SGCZ: variants seen among roughly 807,000 people sequenced by gnomAD.
The protein encoded by SGCZ is sarcoglycan zeta.
Under a neutral mutation model 41.3 loss-of-function variants are expected in SGCZ, and 40 were observed. The ratio of observed to expected loss-of-function variants is 0.97; its 90% CI spans 0.75 to 1.26. The LOEUF is 1.26. Ranked by LOEUF, SGCZ falls within the 50% of genes most tolerant of loss-of-function variation. The pLI is 0.00. For synonymous variants in SGCZ, 206 were observed against 137.5 expected (o/e 1.50, Z -3.49); for missense variants, 552 against 369.8 (o/e 1.49, Z -4.04).
At chr8:14,939,149 G>C (rs1800182090) in intron 1 of SGCZ, among the ~76,000 whole-genome samples, 1 of 152,164 alleles carries the variant, frequency 6.6e-6, no homozygotes, top group East Asian at 1.9e-4. Flanking sequence ...TTTCAATCTT[G>C]GATGTGCTTA....
At chr8:14,872,923 C>T (rs574515158) in intron 1 of SGCZ, among the ~76,000 whole-genome samples, 54 of 152,200 alleles carry the variant, frequency 3.5e-4, no homozygotes, top group Admixed American at 3.0e-3. Flanking sequence ...GGACAAGTTT[C>T]ACTGACTTGA....
At chr8:14,998,578 C>T (rs1802301569) in intron 1 of SGCZ, among the ~76,000 whole-genome samples, 1 of 152,192 alleles carries the variant, frequency 6.6e-6, no homozygotes, top group African/African-American at 2.4e-5. Flanking sequence ...CTCATCTTGA[C>T]TTCTGCCATA....
chr8:14,106,494 G>T (rs1019728788), intron 6 of SGCZ, among the ~76,000 whole-genome samples: 1 of 152,124 alleles, frequency 6.6e-6, no homozygotes, highest in Non-Finnish European at 1.5e-5. Context: ...TAGCTTGTTT[G>T]AATCTGTGTT....
At chr8:14,311,111 T>C (rs535419843) in intron 3 of SGCZ, among the ~76,000 whole-genome samples, 11 of 152,140 alleles carry the variant, frequency 7.2e-5, no homozygotes, top group Non-Finnish European at 1.3e-4. Flanking sequence ...TGATTTTGAA[T>C]TCCAATCCAA....
At chr8:15,164,467 TGC>T (rs1799596713) in intron 1 of SGCZ, among the ~76,000 whole-genome samples, 1 of 152,146 alleles carries the variant, frequency 6.6e-6, no homozygotes, top group South Asian at 2.1e-4. Context: ...CGCCACGTGC[TGC>T]TGCTGGAGCC....
At chr8:14,972,337 C>T (rs1801326779) in intron 1 of SGCZ, among the ~76,000 whole-genome samples, 1 of 151,890 alleles carries the variant, frequency 6.6e-6, no homozygotes, top group African/African-American at 2.4e-5. Flanking sequence ...ATTTGGATAG[C>T]TGTTTATTAG....
chr8:15,050,076 AATGTAGG>A (rs1337210643), intron 1 of SGCZ, among the ~76,000 whole-genome samples: 1 of 152,108 alleles, frequency 6.6e-6, no homozygotes, highest in Non-Finnish European at 1.5e-5. Flanking sequence ...AAAGGGGGAG[AATGTAGG>A]CACACACAGA....
At chr8:14,974,229 A>C (rs1801390018) in intron 1 of SGCZ, among the ~76,000 whole-genome samples, 1 of 152,214 alleles carries the variant, frequency 6.6e-6, no homozygotes, top group Non-Finnish European at 1.5e-5. Flanking sequence ...TGGTACTTTA[A>C]AAACGTATGT....
intron 1 of SGCZ, among the ~76,000 whole-genome samples, chr8:15,110,867 C>A (rs1201887186): frequency 6.6e-6 from 1 of 152,076 alleles, no homozygotes; most frequent in Non-Finnish European, 1.5e-5. Context: ...ACTTAAGAGG[C>A]TGAGGCAGGA....
intron 1 of SGCZ, among the ~76,000 whole-genome samples, chr8:14,824,236 G>C (rs1204101699): frequency 6.6e-6 from 1 of 152,040 alleles, no homozygotes; most frequent in African/African-American, 2.4e-5. Context: ...AAATTACCAA[G>C]AGGGGCTCCT....
At chr8:15,141,678 A>T (rs888627185) in intron 1 of SGCZ, among the ~76,000 whole-genome samples, 1 of 152,246 alleles carries the variant, frequency 6.6e-6, no homozygotes, top group South Asian at 2.1e-4. Context: ...CCAAGGCGGG[A>T]GGATCACGAG....
intron 1 of SGCZ, among the ~76,000 whole-genome samples, chr8:14,928,348 T>C (rs941387678): frequency 2.6e-5 from 4 of 152,180 alleles, no homozygotes; most frequent in African/African-American, 9.7e-5. Context: ...AATATGTCTG[T>C]GCTCAGGGAG....
intron 3 of SGCZ, among the ~76,000 whole-genome samples, chr8:14,276,537 T>C (rs1800239505): frequency 1.3e-5 from 2 of 152,166 alleles, no homozygotes; most frequent in South Asian, 2.1e-4. Flanking sequence ...TAATTCTACA[T>C]CTTTTTTATC....
chr8:15,101,388 AAAC>A (rs1806606837), intron 1 of SGCZ, among the ~76,000 whole-genome samples: 1 of 152,214 alleles, frequency 6.6e-6, no homozygotes, highest in African/African-American at 2.4e-5. Context: ...TATTAAAAGT[AAAC>A]AACAAGAAAA....
chr8:14,523,153 C>T (rs970432601), intron 2 of SGCZ, among the ~76,000 whole-genome samples: 20 of 151,796 alleles, frequency 1.3e-4, no homozygotes, highest in Admixed American at 6.6e-5. Context: ...TTTAGAACCA[C>T]TTTAGAGAGT....
chr8:14,113,158 C>CA (rs1395569107), intron 5 of SGCZ, among the ~76,000 whole-genome samples: 1 of 152,054 alleles, frequency 6.6e-6, no homozygotes, highest in Admixed American at 6.6e-5. Flanking sequence ...CTCACCTGTG[C>CA]AAAAAGCTAT....
At chr8:14,197,729 C>G (rs1585222445) in intron 4 of SGCZ, among the ~76,000 whole-genome samples, 1 of 151,944 alleles carries the variant, frequency 6.6e-6, no homozygotes, top group Admixed American at 6.6e-5. Flanking sequence ...AACCTAAGTG[C>G]TTTTCCCCTA....
intron 1 of SGCZ, among the ~76,000 whole-genome samples, chr8:14,713,759 T>C (rs1305427157): frequency 1.3e-5 from 2 of 151,794 alleles, no homozygotes; most frequent in African/African-American, 4.8e-5. Flanking sequence ...ATTGATTCAA[T>C]ATAATTATAT....
intron 4 of SGCZ, among the ~76,000 whole-genome samples, chr8:14,217,317 A>G (rs1806033284): frequency 7.7e-6 from 1 of 129,416 alleles, no homozygotes; most frequent in Non-Finnish European, 1.7e-5. Flanking sequence ...AAAAAAAAAA[A>G]GCTCTATAGA....
Sources: allele counts gnomAD v4.1 joint callset (sites outside exome capture counted in the v4.1 genomes callset), GRCh38; gene constraint gnomAD v4.1.1; transcripts MANE v1.5; gene names NCBI Gene and HGNC (gene_info 2026-07-23, HGNC 2026-07-21).